CCDC163: variants seen among roughly 807,000 people sequenced by gnomAD.
The protein encoded by CCDC163 is transmembrane protein CCDC163.
In CCDC163, 13 loss-of-function variants were observed where a neutral mutation model predicts 8.2. That is an observed-to-expected ratio of 1.59 (90% confidence interval 1.04 to 2.54). The LOEUF is 2.54. Among genes scored for constraint, CCDC163 ranks in the 30% most tolerant of loss-of-function variants. The pLI is 0.00. For missense variants in CCDC163, 117 were observed against 78.6 expected (o/e 1.49, Z -1.85); for synonymous variants, 41 against 30.9 (o/e 1.33, Z -1.08).
chr1:45,495,258 G>A (rs1054286102), intron 4 of CCDC163, 92 bp from the exon 5 acceptor site: 1 of 755,468 alleles, frequency 1.3e-6, no homozygotes, highest in Non-Finnish European at 2.5e-6. Context: ...AATAGAGAGG[G>A]ACATAGAGGA....
Position 45,496,571 on chromosome 1 carries a change from C to A in CCDC163, c.315G>T (p.Gln105His), listed in dbSNP as rs376867379. 1 of 780,642 alleles carries A rather than the reference C, an allele frequency of 1.3e-6. No individual in the cohort carries two copies. The allele number at this position is 780,642 out of a possible 1,614,324, so 48.4% of individuals were successfully genotyped here. The change falls in exon 4 of 5, where the codon CAG (glutamine) becomes CAT (histidine). Residue 105 changes from glutamine (Q) to histidine (H), a missense_variant. Coordinates refer to ENST00000629482, the MANE Select transcript of CCDC163 (RefSeq NM_001102601.3). The stretch of plus-strand genomic sequence containing the variant: ...CTAGTCCTACCTTCCAACTGCCAAC[C>A]TGAGCCTGTCGTCCCTCAGCCAGCT... ...LKQLAEGRQA[Q>H]VGSWKIPRGA...
Sources: gnomAD v4.1 joint callset for allele counts on GRCh38, gnomAD v4.1.1 for gene constraint, MANE v1.5 for transcripts, NCBI Gene and HGNC (gene_info 2026-07-23, HGNC 2026-07-21) for gene names.